The following CDH23 variants were observed in gnomAD, a reference collection of about 807,000 sequenced individuals.
The protein encoded by CDH23 is cadherin related 23.
Under a neutral mutation model 317.1 loss-of-function variants are expected in CDH23, and 189 were observed. The ratio of observed to expected loss-of-function variants is 0.60; its 90% CI spans 0.53 to 0.67. CDH23 has a LOEUF of 0.67. Ranked by LOEUF, CDH23 falls within the 30% of genes least tolerant of loss-of-function variation. CDH23 has a pLI of 0.00. For synonymous variants in CDH23, 1,839 were observed against 1,876.8 expected (o/e 0.98, Z 0.52); for missense variants, 4,401 against 4,592.4 (o/e 0.96, Z 1.20).
At chr10:71,420,600 G>C (rs1175806791) in intron 1 of CDH23, among the ~76,000 whole-genome samples, 1 of 143,226 alleles carries the variant, frequency 7.0e-6, no homozygotes, top group Non-Finnish European at 1.6e-5. Context: ...TGGTGATGGT[G>C]ATGCTGCTGC....
At position 71,731,949 on chromosome 10, in the gene CDH23, TC is replaced by T. The variant is rs1253680414; in HGVS notation, c.3716-37del. The stretch of plus-strand genomic sequence containing the variant: ...AAGCCACAGCGCAGCCCCACTCAGT[TC>T]TATCTGGGACTGCACAGCCTCTGTG... On this transcript the variant is annotated intron_variant, in intron 31 of 69. Transcript: ENST00000224721. 5 of 1,594,664 alleles carry T rather than the reference TC, an allele frequency of 3.1e-6. No individual in the cohort carries two copies. The South Asian group carries it at 5.7e-5, about 18-fold the overall frequency.
In CDH23 at chr10:71,570,860, T is replaced by G. The variant is rs551858055; in HGVS notation, c.695T>G (p.Met232Arg). The change falls in exon 8 of 70, where the codon ATG becomes AGG. Residue 232 changes from methionine to arginine, a missense_variant. Met to Arg is a moderately conservative substitution (Grantham distance 91). Around this residue, in one of 3 missense-constraint regions of CDH23, gnomAD observed 3,068 missense variants for 3,203.3 expected, o/e 0.96. Coordinates refer to ENST00000224721, the MANE Select transcript of CDH23 (RefSeq NM_022124.6). ...ATCATCATCACAGATGTCCAGGACA[T>G]GGACCCCATCTTCATCAACCTGCCT... ...LAIIITDVQD[M>R]DPIFINLPYS... The G allele has an allele frequency of 2.9e-5, 47 of 1,614,020 alleles. 1 individual carries two copies. In the South Asian group the frequency reaches 4.8e-4, roughly 17 times the overall value.
intron 3 of CDH23, among the ~76,000 whole-genome samples, chr10:71,492,825 A>T (rs979191327): frequency 6.6e-6 from 1 of 152,132 alleles, no homozygotes. Context: ...CTGCGCTTGG[A>T]GTCTGCCGTG....
At chr10:71,758,844 T>C (rs187061490) in intron 38 of CDH23, among the ~76,000 whole-genome samples, 40 of 152,230 alleles carry the variant, frequency 2.6e-4, no homozygotes, top group Admixed American at 1.9e-3. Context: ...CTGGGCAACA[T>C]AGCGAGAGTG....
chr10:71,702,298 A>T, intron 23 of CDH23, 87 bp downstream of exon 23: 2 of 1,414,674 alleles, frequency 1.4e-6, no homozygotes, highest in Non-Finnish European at 2.0e-6. Context: ...CCTGGGGCCC[A>T]CCCAGGAGGT....
chr10:71,472,475 C>A (rs1347242896), intron 3 of CDH23, among the ~76,000 whole-genome samples: 1 of 152,234 alleles, frequency 6.6e-6, no homozygotes, highest in Non-Finnish European at 1.5e-5. Context: ...CTAACAGTGT[C>A]TCCTTCTTTC....
chr10:71,515,421 C>G (rs911676456), intron 6 of CDH23, among the ~76,000 whole-genome samples: 1 of 150,980 alleles, frequency 6.6e-6, no homozygotes, highest in Admixed American at 6.6e-5. Flanking sequence ...CACACACACG[C>G]ACACATACAC....
At position 71,791,197 on chromosome 10, in the gene CDH23, C is replaced by T. The variant is rs770813903; in HGVS notation, c.6115C>T (p.Leu2039=). The part of the protein sequence containing the change: ...REAFSPPILE[L]LLLAEDIGLL... ...GGCATTCTCGCCACCCATCCTGGAG[C>T]TGCTGCTGCTGGCTGAGGACATCGG... Residue 2039 remains leucine (L), a synonymous_variant, in exon 47 of 70, where the codon CTG becomes TTG. Coordinates refer to ENST00000224721, the MANE Select transcript of CDH23 (RefSeq NM_022124.6). The T allele has an allele frequency of 1.9e-6, 3 of 1,611,532 alleles. No homozygotes were observed. The highest frequency in any genetic ancestry group is 2.5e-6 in the Non-Finnish European group (3 of 1,178,374).
chr10:71,705,653 C>T (rs1377147645), intron 25 of CDH23, among the ~76,000 whole-genome samples: 2 of 152,218 alleles, frequency 1.3e-5, no homozygotes, highest in Non-Finnish European at 2.9e-5. Context: ...GACTCTCATG[C>T]TCATTCCCAG....
intron 22 of CDH23, among the ~76,000 whole-genome samples, chr10:71,698,153 C>T (rs1194001749): frequency 6.6e-6 from 1 of 151,868 alleles, no homozygotes; most frequent in Non-Finnish European, 1.5e-5. Context: ...TCTGGAATTC[C>T]CAGTTACGTA....
At chr10:71,763,833 G>A (rs1840460356) in intron 38 of CDH23, among the ~76,000 whole-genome samples, 1 of 152,228 alleles carries the variant, frequency 6.6e-6, no homozygotes, top group Non-Finnish European at 1.5e-5. Flanking sequence ...AGCACAGTGG[G>A]ATGGAGAAGC....
At chr10:71,424,897 G>C (rs181287178) in intron 1 of CDH23, among the ~76,000 whole-genome samples, 3 of 152,312 alleles carry the variant, frequency 2.0e-5, no homozygotes, top group East Asian at 3.9e-4. Flanking sequence ...CTCAGGGAAG[G>C]CTCCTCAGTC....
intron 49 of CDH23, 74 bp from the exon 50 acceptor site, chr10:71,798,280 C>A: frequency 8.5e-7 from 1 of 1,171,702 alleles, no homozygotes; most frequent in Non-Finnish European, 1.3e-6. Context: ...CCCGGCTTGG[C>A]TGAGGCTAAG....
rs369960889 is a variant in CDH23 at position 71,521,104 on chromosome 10, G to A, written c.429+9892G>A. On this transcript the variant is annotated intron_variant, in intron 6 of 69. Transcript: ENST00000224721. The stretch of plus-strand genomic sequence containing the variant: ...CACCTGTCCATCTATTAAAAAGCCC[G>A]CTCTTCTCTCCAGATGAGATAATGC... 2.0e-5 allele frequency among the ~76,000 whole-genome samples: 3 copies of A among 151,850 alleles called. No homozygotes were observed. In the East Asian group the frequency reaches 5.8e-4, roughly 29 times the overall value.
chr10:71,786,565 T>G (rs1002678229), intron 44 of CDH23, among the ~76,000 whole-genome samples: 1 of 147,812 alleles, frequency 6.8e-6, no homozygotes, highest in African/African-American at 2.5e-5. Context: ...AATCGTGATC[T>G]CAGCTCACTG....
chr10:71,785,625 T>A lies in CDH23; in HGVS notation c.5713-6T>A. On this transcript the variant is annotated splice_region_variant and splice_polypyrimidine_tract_variant and intron_variant, in intron 43 of 69. Coordinates refer to ENST00000224721, the MANE Select transcript of CDH23 (RefSeq NM_022124.6). ...TCCATGCAGCTCACCACCCTCCACA[T>A]CCCAGACAGGGATCGTCACTGTGAA... is the stretch of plus-strand genomic sequence containing the variant. 6.3e-7 allele frequency: 1 copy of A among 1,575,654 alleles called. No individual in the cohort carries two copies. The highest frequency in any genetic ancestry group is 1.2e-5 in the South Asian group (1 of 86,400).
rs1842084047 is a variant in CDH23, at chr10:71,815,020, C to T, written c.9807C>T (p.Arg3269=). The change falls in exon 70 of 70, where the codon CGC becomes CGT. Residue 3269 remains arginine, a synonymous_variant. Coordinates refer to ENST00000224721, the MANE Select transcript of CDH23 (RefSeq NM_022124.6). ...CAGGGCAGGGTAGCCTGCGCTTCCGCCACAAGCCACCAGTGGAGCTCAAGG... is the reference window on the plus strand; with the variant it reads ...CAGGGCAGGGTAGCCTGCGCTTCCGTCACAAGCCACCAGTGGAGCTCAAGG... ...HSPGQGSLRF[R]HKPPVELKGP... is the part of the protein sequence containing the mutation. 2 of 1,612,404 alleles carry T rather than the reference C, an allele frequency of 1.2e-6. No individual in the cohort carries two copies. Among genetic ancestry groups the T allele is most frequent in the Admixed American group, 1.7e-5 (1 of 59,912 alleles).
chr10:71,782,276 T>A lies in CDH23; in HGVS notation c.5369-2011T>A, dbSNP rs146468599. 7.6e-4 allele frequency among the ~76,000 whole-genome samples: 116 copies of A among 152,304 alleles called. 1 individual carries two copies. Among genetic ancestry groups the A allele is most frequent in the African/African-American group, 2.7e-3 (111 of 41,566 alleles). Reference sequence around the variant, plus strand: ...CCATTCCTTGGACCCCTTTCCTACATCCTCACCCTCCCTGAAAGCTCCCCG... The same window carrying A: ...CCATTCCTTGGACCCCTTTCCTACAACCTCACCCTCCCTGAAAGCTCCCCG... On this transcript the variant is annotated intron_variant, in intron 41 of 69. Transcript: ENST00000224721.
chr10:71,690,365 C>A, intron 19 of CDH23, 103 bp from the exon 20 acceptor site: 1 of 760,184 alleles, frequency 1.3e-6, no homozygotes, highest in Non-Finnish European at 2.1e-6. Flanking sequence ...GGTCCCACGT[C>A]CTCCTCTTGG....
Sources: allele counts gnomAD v4.1 joint callset (sites outside exome capture counted in the v4.1 genomes callset), GRCh38; gene constraint gnomAD v4.1.1; regional missense constraint gnomAD v4.1.1; transcripts MANE v1.5; gene names NCBI Gene and HGNC (gene_info 2026-07-23, HGNC 2026-07-21).